TBC1D22A: variants seen among roughly 807,000 people sequenced by gnomAD.
TBC1D22A encodes putative GTPase activator.
A neutral mutation model predicts 60.2 loss-of-function variants in TBC1D22A; 38 were observed. That is an observed-to-expected ratio of 0.63 (90% confidence interval 0.49 to 0.83). The LOEUF (loss-of-function observed/expected upper bound fraction) is 0.83, where lower values mean the gene tolerates loss of function less well. TBC1D22A is among the 40% of genes least tolerant of loss of function. TBC1D22A has a pLI of 0.00. For synonymous variants in TBC1D22A, 302 were observed against 281.7 expected, an observed-to-expected ratio of 1.07 and a Z score of -0.72; for missense variants, 628 against 701.0, an observed-to-expected ratio of 0.90 and a Z score of 1.18.
intron 5 of TBC1D22A, among the ~76,000 whole-genome samples, chr22:46,879,330 C>G (rs2067734696): frequency 6.6e-6 from 1 of 152,072 alleles, no homozygotes. Flanking sequence ...TCAGCAATGC[C>G]CTCGTACACT....
chr22:47,071,162 T>A (rs4823905), intron 11 of TBC1D22A, among the ~76,000 whole-genome samples: 40,723 of 152,186 alleles, frequency 0.27, 6,080 homozygotes, highest in East Asian at 0.57. Flanking sequence ...CCCATACCTT[T>A]GGAGAACAAA....
intron 7 of TBC1D22A, among the ~76,000 whole-genome samples, chr22:46,905,546 G>A (rs4239942): frequency 0.36 from 54,135 of 152,208 alleles, 11,427 homozygotes; most frequent in East Asian, 0.64. Flanking sequence ...CGGCCCCGGG[G>A]AGGAGGGCAC....
chr22:46,948,174 A>G (rs2072667897), intron 8 of TBC1D22A, among the ~76,000 whole-genome samples: 1 of 152,246 alleles, frequency 6.6e-6, no homozygotes, highest in South Asian at 2.1e-4. Flanking sequence ...CAAATAAAAC[A>G]TTTTAGCTGA....
At chr22:46,959,932 C>G (rs1347975573) in intron 8 of TBC1D22A, among the ~76,000 whole-genome samples, 1 of 152,230 alleles carries the variant, frequency 6.6e-6, no homozygotes, top group Non-Finnish European at 1.5e-5. Flanking sequence ...TCAGACACCT[C>G]TGAAAGTCTC....
At chr22:46,767,422 T>G (rs1223351466) in intron 1 of TBC1D22A, among the ~76,000 whole-genome samples, 1 of 152,192 alleles carries the variant, frequency 6.6e-6, no homozygotes, top group East Asian at 1.9e-4. Context: ...TGGACCAGTT[T>G]TGAGAATTTG....
At chr22:46,834,251 G>A (rs1348088459) in intron 4 of TBC1D22A, among the ~76,000 whole-genome samples, 1 of 152,108 alleles carries the variant, frequency 6.6e-6, no homozygotes, top group East Asian at 1.9e-4. Flanking sequence ...TCAGAAAGAT[G>A]GTGAAATAGG....
chr22:47,166,354 G>A (rs1040225947), intron 12 of TBC1D22A, among the ~76,000 whole-genome samples: 1 of 152,350 alleles, frequency 6.6e-6, no homozygotes, highest in Middle Eastern at 3.4e-3. Flanking sequence ...AACAAAGAAA[G>A]AGGCAGGTGT....
chr22:46,946,339 G>A (rs1407621819), intron 8 of TBC1D22A, among the ~76,000 whole-genome samples: 1 of 152,236 alleles, frequency 6.6e-6, no homozygotes, highest in Non-Finnish European at 1.5e-5. Flanking sequence ...CCACCAGGCT[G>A]TAAGAGGTTG....
rs922284957 is a variant in TBC1D22A at position 46,774,879 on chromosome 22, C to T, written c.62+12031C>T. 3.3e-5 allele frequency among the ~76,000 whole-genome samples: 5 copies of T among 152,196 alleles called. No individual in the cohort carries two copies. In the South Asian group the frequency reaches 6.2e-4, roughly 19 times the overall value. ...TCCTTCTCATGTGCGCTGTGTGCAC[C>T]GGAGCCCGGCCGATGCTGATAGAAT... On this transcript the variant is annotated intron_variant, in intron 1 of 12. Coordinates refer to ENST00000337137, the MANE Select transcript of TBC1D22A (RefSeq NM_014346.5).
At chr22:46,816,096 G>A (rs912396925) in intron 4 of TBC1D22A, among the ~76,000 whole-genome samples, 28 of 152,092 alleles carry the variant, frequency 1.8e-4, no homozygotes, top group African/African-American at 6.3e-4. Flanking sequence ...CAAGCCTCTG[G>A]CCCTCTGGCT....
intron 1 of TBC1D22A, among the ~76,000 whole-genome samples, chr22:46,775,480 G>A (rs1171317714): frequency 6.6e-6 from 1 of 152,140 alleles, no homozygotes; most frequent in Non-Finnish European, 1.5e-5. Flanking sequence ...AGCACAGAGC[G>A]CCACCTCTTC....
At chr22:47,127,473 C>T (rs890477743) in intron 12 of TBC1D22A, among the ~76,000 whole-genome samples, 5 of 151,078 alleles carry the variant, frequency 3.3e-5, no homozygotes, top group African/African-American at 1.2e-4. Context: ...GATCCACCCA[C>T]CCCGGCTTCC....
intron 1 of TBC1D22A, among the ~76,000 whole-genome samples, chr22:46,778,688 G>A (rs536069425): frequency 1.2e-4 from 18 of 152,218 alleles, no homozygotes; most frequent in African/African-American, 4.1e-4. Context: ...CTGTTTTACA[G>A]CTTTTATTGT....
chr22:46,767,326 T>C (rs766619659), intron 1 of TBC1D22A, among the ~76,000 whole-genome samples: 2 of 152,082 alleles, frequency 1.3e-5, no homozygotes, highest in Non-Finnish European at 1.5e-5. Context: ...CACAAAGCGG[T>C]TGAGTTTGGT....
intron 8 of TBC1D22A, chr22:46,913,393 C>A: frequency 7.3e-7 from 1 of 1,366,394 alleles, no homozygotes; most frequent in Non-Finnish European, 9.8e-7. Context: ...GAGAGATGAG[C>A]CTTACCCGAG....
intron 4 of TBC1D22A, among the ~76,000 whole-genome samples, chr22:46,861,664 G>T (rs979503572): frequency 1.3e-5 from 2 of 152,246 alleles, no homozygotes; most frequent in African/African-American, 2.4e-5. Flanking sequence ...CCAGGAGGGG[G>T]AGGAGGGCGG....
At chr22:46,812,641 G>C (rs2085430683) in intron 4 of TBC1D22A, among the ~76,000 whole-genome samples, 1 of 152,212 alleles carries the variant, frequency 6.6e-6, no homozygotes, top group Non-Finnish European at 1.5e-5. Flanking sequence ...TTTCCGTGAA[G>C]TTGATTGAGG....
At chr22:47,165,761 C>T (rs923741999) in intron 12 of TBC1D22A, among the ~76,000 whole-genome samples, 2 of 152,114 alleles carry the variant, frequency 1.3e-5, no homozygotes, top group East Asian at 1.9e-4. Context: ...CTGCCCTGCC[C>T]CCCGGACCCC....
At chr22:46,831,332 C>T (rs570948643) in intron 4 of TBC1D22A, among the ~76,000 whole-genome samples, 16 of 152,120 alleles carry the variant, frequency 1.1e-4, no homozygotes, top group South Asian at 2.1e-4. Context: ...ACCACTGTTT[C>T]GTTTAACGGT....
Sources: gnomAD v4.1 joint callset for allele counts (sites outside exome capture counted in the v4.1 genomes callset) on GRCh38, gnomAD v4.1.1 for gene constraint, MANE v1.5 for transcripts, NCBI Gene and HGNC (gene_info 2026-07-23, HGNC 2026-07-21) for gene names.